PHACTR2: variants seen among roughly 807,000 people sequenced by gnomAD.
PHACTR2 encodes phosphatase and actin regulator 2.
Under a neutral mutation model 76.0 loss-of-function variants are expected in PHACTR2, and 30 were observed. The ratio of observed to expected loss-of-function variants is 0.39; its 90% CI spans 0.30 to 0.54. The LOEUF (loss-of-function observed/expected upper bound fraction) is 0.54, where lower values mean the gene tolerates loss of function less well. PHACTR2 is among the 20% of genes least tolerant of loss of function. The probability of loss-of-function intolerance (pLI) is 0.61; values close to 1 mark genes in which losing one functional copy is unlikely to be tolerated. For missense variants in PHACTR2, 696 were observed against 781.1 expected (o/e 0.89, Z 1.30); for synonymous variants, 292 against 292.5 (o/e 1.00, Z 0.02).
At chr6:143,771,183 T>C (rs1340689554) in intron 6 of PHACTR2, among the ~76,000 whole-genome samples, 11 of 41,682 alleles carry the variant, frequency 2.6e-4, no homozygotes, top group African/African-American at 1.4e-3. Context: ...TGTATATATA[T>C]ATATATGTGT....
Position 143,671,982 on chromosome 6 carries a change from T to C in PHACTR2, c.14-40034T>C, listed in dbSNP as rs1777161467. Among the ~76,000 whole-genome samples the C allele has an allele frequency of 2.0e-5, 3 of 152,006 alleles. No individual in the cohort carries two copies. Among genetic ancestry groups the C allele is most frequent in the Admixed American group, 1.3e-4 (2 of 15,262 alleles). The stretch of plus-strand genomic sequence containing the variant: ...AAGCCAGATTAAAAAAAACTGTACA[T>C]AATATTATTCCATTTGTAAGAAATT... On this transcript the variant is annotated intron_variant, in intron 1 of 11. Transcript: ENST00000305766. The surrounding 1 kb of genome is among the most constrained non-coding windows in gnomAD (Gnocchi z 4.6).
rs1779550353 is a variant in PHACTR2 at position 143,765,766 on chromosome 6, T to C, written c.1200T>C (p.Thr400=). The C allele has an allele frequency of 6.2e-7, 1 of 1,613,570 alleles. No homozygotes were observed. Among genetic ancestry groups the C allele is most frequent in the Non-Finnish European group, 8.5e-7 (1 of 1,179,630 alleles). The part of the protein sequence containing the change: ...PTNRTTLYSG[T]GLSVNRENAK... ...ACAGAACCACTCTCTACTCAGGCAC[T>C]GGCTTAAGTGTTAACAGAGAAAATG... Residue 400 remains threonine (T), a synonymous_variant, in exon 6 of 13, where the codon ACT becomes ACC. Transcript: ENST00000440869. The surrounding 1 kb of genome is among the most constrained non-coding windows in gnomAD (Gnocchi z 4.1).
Position 143,689,156 on chromosome 6 carries a change from A to G in PHACTR2, c.46+10947A>G, listed in dbSNP as rs1018580038. Among the ~76,000 whole-genome samples, 2 of 152,126 alleles carry G rather than the reference A, an allele frequency of 1.3e-5. No individual in the cohort carries two copies. Among genetic ancestry groups the G allele is most frequent in the Non-Finnish European group, 2.9e-5 (2 of 68,024 alleles). On this transcript the variant is annotated intron_variant, in intron 1 of 12. Coordinates refer to ENST00000440869, the MANE Select transcript of PHACTR2 (RefSeq NM_001100164.2). The surrounding 1 kb of genome is among the most constrained non-coding windows in gnomAD (Gnocchi z 4.4). ...TGTTTCGGCTGGATCCTTGTGCTTCATAGAGACCTTCCCTGCCTACCCCTC... is the reference window on the plus strand; with the variant it reads ...TGTTTCGGCTGGATCCTTGTGCTTCGTAGAGACCTTCCCTGCCTACCCCTC...
chr6:143,703,034 C>T (rs1043032670), intron 1 of PHACTR2, among the ~76,000 whole-genome samples: 1 of 151,224 alleles, frequency 6.6e-6, no homozygotes, highest in Non-Finnish European at 1.5e-5. Context: ...CAGGCCAGGG[C>T]ACAGTGGCTA....
Position 143,619,234 on chromosome 6 carries a change from CAA to C in PHACTR2, c.13+10913_13+10914del, listed in dbSNP as rs374952994. 4.2e-3 allele frequency among the ~76,000 whole-genome samples: 642 copies of C among 152,196 alleles called. 4 individuals carry two copies. The highest frequency in any genetic ancestry group is 0.015 in the African/African-American group (607 of 41,518). ...ATTTTTCTGTCTACCTATCATTGAT[CAA>C]GAGCCCTACCAGCCCCACTCCAGAC... On this transcript the variant is annotated intron_variant, in intron 1 of 11. Coordinates refer to the PHACTR2 transcript ENST00000305766. This position sits in a 1 kb window ranked among gnomAD's most constrained non-coding sequence, Gnocchi z 4.5.
Position 143,789,447 on chromosome 6 carries a change from A to T in PHACTR2, c.1845+537A>T, listed in dbSNP as rs1775627652. The stretch of plus-strand genomic sequence containing the variant: ...ATCTACAAAAACAGATGGTGGGCCA[A>T]ATTTGACCTGCAGGTCAGGCTTACC... On this transcript the variant is annotated intron_variant, in intron 11 of 12. Transcript: ENST00000440869. This position sits in a 1 kb window ranked among gnomAD's most constrained non-coding sequence, Gnocchi z 5.1. 6.6e-6 allele frequency: 1 copy of T among 152,462 alleles called. No homozygotes were observed. The highest frequency in any genetic ancestry group is 1.5e-5 in the Non-Finnish European group (1 of 68,208). 9.4% of individuals were successfully genotyped at this position (152,462 alleles called of 1,614,324 possible).
Position 143,624,467 on chromosome 6 carries a change from A to G in PHACTR2, c.13+16145A>G, listed in dbSNP as rs1776218736. Among the ~76,000 whole-genome samples the G allele has an allele frequency of 1.3e-5, 2 of 152,202 alleles. No homozygotes were observed. Among genetic ancestry groups the G allele is most frequent in the South Asian group, 2.1e-4 (1 of 4,830 alleles). ...ATAGTTACTAATTCATATTCACACAATATCACCACAACATGGACATTTCAA... is the reference window on the plus strand; with the variant it reads ...ATAGTTACTAATTCATATTCACACAGTATCACCACAACATGGACATTTCAA... On this transcript the variant is annotated intron_variant, in intron 1 of 11. Coordinates refer to the PHACTR2 transcript ENST00000305766. The surrounding 1 kb of genome is among the most constrained non-coding windows in gnomAD (Gnocchi z 4.6).
In PHACTR2 at chr6:143,585,647, T is replaced by C. The variant is rs1161877232; in HGVS notation, c.217+48440T>C. ...AATTGGGACCAGAAAGCAAGCTCCA[T>C]GAAGGCAGAGACCCTCCCTGCTTAT... On this transcript the variant is annotated intron_variant, in intron 1 of 11. Transcript: ENST00000367584. This position sits in a 1 kb window ranked among gnomAD's most constrained non-coding sequence, Gnocchi z 5.2. Among the ~76,000 whole-genome samples, 3 of 152,180 alleles carry C rather than the reference T, an allele frequency of 2.0e-5. No homozygotes were observed. Among genetic ancestry groups the C allele is most frequent in the Non-Finnish European group, 4.4e-5 (3 of 68,016 alleles).
chr6:143,738,011 T>A lies in PHACTR2; in HGVS notation c.215-10974T>A, dbSNP rs1014382590. ...AACATGGATTTGGGGAAATTCCTAC[T>A]CAAATCTTCTTACAACTTAGACTGG... On this transcript the variant is annotated intron_variant, in intron 2 of 12. Transcript: ENST00000440869. This position sits in a 1 kb window ranked among gnomAD's most constrained non-coding sequence, Gnocchi z 4.0. Among the ~76,000 whole-genome samples the A allele has an allele frequency of 5.5e-4, 83 of 152,258 alleles. 3 individuals carry two copies. The highest frequency in any genetic ancestry group is 1.3e-4 in the Admixed American group (2 of 15,286).
intron 6 of PHACTR2, among the ~76,000 whole-genome samples, chr6:143,768,020 T>G (rs1467536678): frequency 6.6e-6 from 1 of 151,802 alleles, no homozygotes; most frequent in African/African-American, 2.4e-5. Flanking sequence ...GTATTTTTAG[T>G]AGAGATGGGG....
At chr6:143,756,242 A>G (rs1779294580) in intron 4 of PHACTR2, among the ~76,000 whole-genome samples, 4 of 152,258 alleles carry the variant, frequency 2.6e-5, no homozygotes, top group Admixed American at 6.5e-5. Context: ...GATTCCACCC[A>G]GGCCCCCTGG....
chr6:143,769,967 T>G (rs1775058771), intron 6 of PHACTR2, among the ~76,000 whole-genome samples: 1 of 152,180 alleles, frequency 6.6e-6, no homozygotes. Context: ...AAATTAAACA[T>G]AGAATTACCA....
rs2128473613 is a variant in PHACTR2 at position 143,765,546 on chromosome 6, A to G, written c.980A>G (p.Asn327Ser). 6.2e-7 allele frequency: 1 copy of G among 1,614,218 alleles called. No individual in the cohort carries two copies. Among genetic ancestry groups the G allele is most frequent in the Non-Finnish European group, 8.5e-7 (1 of 1,180,028 alleles). The stretch of plus-strand genomic sequence containing the variant: ...ACTGTCCCTGGAGCTGAGGAGCAGA[A>G]CACAGGCAAATTCAAGTCCATGGTC... ...EQTVPGAEEQ[N>S]TGKFKSMVPP... The change falls in exon 6 of 13, where the codon AAC becomes AGC. Residue 327 changes from asparagine to serine, a missense_variant. This residue lies in a region of PHACTR2 where 460 missense variants were observed against 450.9 expected (regional missense o/e 1.02). Transcript: ENST00000440869. The surrounding 1 kb of genome is among the most constrained non-coding windows in gnomAD (Gnocchi z 4.1).
At chr6:143,559,286 C>T in intron 1 of PHACTR2, among the ~76,000 whole-genome samples, 1 of 152,200 alleles carries the variant, frequency 6.6e-6, no homozygotes, top group East Asian at 1.9e-4. Context: ...GCCCCAACTG[C>T]ATCTCTCAGG....
intron 1 of PHACTR2, among the ~76,000 whole-genome samples, chr6:143,615,851 C>A (rs1027120313): frequency 1.3e-5 from 2 of 152,234 alleles, no homozygotes; most frequent in African/African-American, 4.8e-5. Context: ...TCTGACCACA[C>A]CTGTGCCTGA....
At chr6:143,649,046 G>A (rs1445538689) in intron 1 of PHACTR2, among the ~76,000 whole-genome samples, 1 of 152,068 alleles carries the variant, frequency 6.6e-6, no homozygotes, top group East Asian at 1.9e-4. Context: ...GTGTGTGTCT[G>A]CATACACTCA....
chr6:143,630,731 A>T (rs968049988), intron 1 of PHACTR2, among the ~76,000 whole-genome samples: 1 of 152,236 alleles, frequency 6.6e-6, no homozygotes, highest in Non-Finnish European at 1.5e-5. Flanking sequence ...TTATGGTACA[A>T]TGCCATTTAT....
chr6:143,809,529 T>G lies in PHACTR2; in HGVS notation c.1922+2396T>G, dbSNP rs1449466841. ...CCTGGCTTCTTTTTTATATATGTATTTGTATGTACAAAAATAATATATTCT... is the reference window on the plus strand; with the variant it reads ...CCTGGCTTCTTTTTTATATATGTATGTGTATGTACAAAAATAATATATTCT... On this transcript the variant is annotated intron_variant, in intron 12 of 12. Transcript: ENST00000440869. The surrounding 1 kb of genome is among the most constrained non-coding windows in gnomAD (Gnocchi z 4.2). Among the ~76,000 whole-genome samples the G allele has an allele frequency of 6.6e-6, 1 of 152,056 alleles. No individual in the cohort carries two copies. The highest frequency in any genetic ancestry group is 1.5e-5 in the Non-Finnish European group (1 of 68,004).
Position 143,705,293 on chromosome 6 carries a change from A to ATT in PHACTR2, c.47-6705_47-6704dup, listed in dbSNP as rs142316800. 4.1e-3 allele frequency among the ~76,000 whole-genome samples: 439 copies of ATT among 107,912 alleles called. 4 individuals carry two copies. The highest frequency in any genetic ancestry group is 4.8e-3 in the East Asian group (18 of 3,714). The allele number at this position is 107,912 out of a possible 152,430, so 70.8% of individuals were successfully genotyped here. Reference sequence around the variant, plus strand: ...GCTACAAAGTCTGGCTAATTTTTGCATTTTTTTTTTTTTTTTTTTGAGACG... The same window carrying ATT: ...GCTACAAAGTCTGGCTAATTTTTGCATTTTTTTTTTTTTTTTTTTTTGAGACG... On this transcript the variant is annotated intron_variant, in intron 1 of 12. Transcript: ENST00000440869.
Sources: allele counts gnomAD v4.1 joint callset (sites outside exome capture counted in the v4.1 genomes callset), GRCh38; gene constraint gnomAD v4.1.1; regional missense constraint gnomAD v4.1.1; non-coding constraint Gnocchi (gnomAD v3.1); transcripts MANE v1.5; gene names NCBI Gene and HGNC (gene_info 2026-07-23, HGNC 2026-07-21).